The following CHRNA10 variants were observed in gnomAD, a reference collection of about 807,000 sequenced individuals.
The protein encoded by CHRNA10 is cholinergic receptor nicotinic alpha 10 subunit.
Under a neutral mutation model 36.0 loss-of-function variants are expected in CHRNA10, and 31 were observed. The ratio of observed to expected loss-of-function variants is 0.86; its 90% CI spans 0.65 to 1.16. The LOEUF is 1.16. Ranked by LOEUF, CHRNA10 falls within the 50% of genes most tolerant of loss-of-function variation. The pLI, the probability that CHRNA10 is intolerant of heterozygous loss-of-function variation, is 0.00. For missense variants in CHRNA10, 648 were observed against 640.9 expected, an observed-to-expected ratio of 1.01 and a Z score of -0.12; for synonymous variants, 302 against 287.0, an observed-to-expected ratio of 1.05 and a Z score of -0.53.
intron 1 of CHRNA10, 58 bp from the exon 2 acceptor site, chr11:3,669,999 C>A (rs1309923136): frequency 6.9e-6 from 11 of 1,586,812 alleles, no homozygotes; most frequent in Non-Finnish European, 9.5e-6. Context: ...GGCCTCTGCT[C>A]ACACCCTCCA....
intron 3 of CHRNA10, among the ~76,000 whole-genome samples, chr11:3,668,325 A>G (rs1222949739): frequency 6.6e-6 from 1 of 152,118 alleles, no homozygotes; most frequent in Non-Finnish European, 1.5e-5. Flanking sequence ...CACCCTGGCT[A>G]ACACGGTGAA....
intron 3 of CHRNA10, among the ~76,000 whole-genome samples, chr11:3,668,244 T>G (rs2077684864): frequency 6.6e-6 from 1 of 152,182 alleles, no homozygotes; most frequent in Non-Finnish European, 1.5e-5. Flanking sequence ...CTGGGTGCGG[T>G]GGCTCACGCC....
chr11:3,666,940 A>G (rs945212375), intron 4 of CHRNA10, among the ~76,000 whole-genome samples: 2 of 152,158 alleles, frequency 1.3e-5, no homozygotes, highest in Admixed American at 1.3e-4. Context: ...TGAGTTAATA[A>G]AGGTCAAGTG....
At chr11:3,670,469 GGC>G (rs1287864341) in intron 1 of CHRNA10, among the ~76,000 whole-genome samples, 11 of 152,044 alleles carry the variant, frequency 7.2e-5, no homozygotes, top group Admixed American at 7.2e-4. Context: ...TCCTGTCCTT[GGC>G]TCCCATCTTT....
chr11:3,670,653 T>C (rs2077706725), intron 1 of CHRNA10, among the ~76,000 whole-genome samples: 1 of 152,216 alleles, frequency 6.6e-6, no homozygotes, highest in African/African-American at 2.4e-5. Flanking sequence ...GCAAATAGCA[T>C]GCCCTCAGCT....
chr11:3,669,235 C>T lies in CHRNA10; in HGVS notation c.323G>A (p.Ser108Asn), dbSNP rs1016317318. 4.3e-6 allele frequency: 7 copies of T among 1,613,894 alleles called. No homozygotes were observed. Among genetic ancestry groups the T allele is most frequent in the South Asian group, 1.1e-5 (1 of 91,072 alleles). Residue 108 changes from serine (S) to asparagine (N), a missense_variant, in exon 3 of 5, where the codon AGC becomes AAC. Physicochemically the swap from Ser to Asn is conservative, Grantham distance 46. Transcript: ENST00000250699. ...YGGLDAIRIP[S>N]SLVWRPDIVL... Reference sequence around the variant, plus strand: ...GATGTCTGGCCGCCACACAAGACTGCTGGGGATGCGGATGGCATCCAGGCC... The same window carrying T: ...GATGTCTGGCCGCCACACAAGACTGTTGGGGATGCGGATGGCATCCAGGCC...
At chr11:3,670,240 A>C (rs956901879) in intron 1 of CHRNA10, among the ~76,000 whole-genome samples, 2 of 152,132 alleles carry the variant, frequency 1.3e-5, no homozygotes, top group Admixed American at 1.3e-4. Flanking sequence ...GAGGGGCCCA[A>C]ATAAGCCACA....
chr11:3,667,201 C>T (rs769469175), intron 4 of CHRNA10, 31 bp downstream of exon 4: 18 of 1,522,652 alleles, frequency 1.2e-5, no homozygotes, highest in East Asian at 7.3e-5. Context: ...CCCAGCGCAT[C>T]GTCAGGTCCC....
Position 3,667,214 on chromosome 11 carries a change from C to G in CHRNA10, c.895+18G>C, listed in dbSNP as rs2231544. 3.2e-6 allele frequency: 5 copies of G among 1,543,866 alleles called. No individual in the cohort carries two copies. Among genetic ancestry groups the G allele is most frequent in the Admixed American group, 1.9e-5 (1 of 52,256 alleles). On this transcript the variant is annotated intron_variant, in intron 4 of 4. Coordinates refer to ENST00000250699, the MANE Select transcript of CHRNA10 (RefSeq NM_020402.4). The stretch of plus-strand genomic sequence containing the variant: ...ACCCCAGCGCATCGTCAGGTCCCCC[C>G]GCGCCCCCGCTGCTCACCGATGAGC...
In CHRNA10 at chr11:3,668,791, C is replaced by A. The variant is rs1458319446; in HGVS notation, c.362+405G>T. On this transcript the variant is annotated intron_variant, in intron 3 of 4. Transcript: ENST00000250699. ...AGGGCCCCAGAGAAAATATGCAGAG[C>A]TATGTGCTGGCTGGGAGACACGGAA... 3 of 157,666 alleles carry A rather than the reference C, an allele frequency of 1.9e-5. No homozygotes were observed. In the Admixed American group the frequency reaches 1.9e-4, roughly 10 times the overall value. The allele number at this position is 157,666 out of a possible 1,614,324, so 9.8% of individuals were successfully genotyped here. A position where few individuals can be genotyped will look rare whatever the true frequency, so the allele number is the denominator to read the frequency against.
At position 3,665,832 on chromosome 11, in the gene CHRNA10, C is replaced by T; in HGVS notation, c.*275G>A. On this transcript the variant is annotated 3_prime_UTR_variant, in exon 5 of 5. Coordinates refer to ENST00000250699, the MANE Select transcript of CHRNA10 (RefSeq NM_020402.4). The stretch of plus-strand genomic sequence containing the variant: ...TGAGAGCTCCAATACCCAGCACAAA[C>T]AATTCTGTCCCTCCAAGACTGTACT... The T allele has an allele frequency of 2.7e-6, 1 of 364,154 alleles. No homozygotes were observed. The highest frequency in any genetic ancestry group is 4.9e-6 in the Non-Finnish European group (1 of 202,680). 22.6% of individuals were successfully genotyped at this position (364,154 alleles called of 1,614,324 possible).
Position 3,671,291 on chromosome 11 carries a change from G to T in CHRNA10, c.22C>A (p.Leu8Ile). ...AACAGAAGCAGAAGGCCCAGGCTGA[G>T]GTGGTGGCTCCGGAGCCCCATGGCC... MGLRSHH[L>I]SLGLLLLFLL... Residue 8 changes from leucine (L) to isoleucine (I), a missense_variant, in exon 1 of 5, where the codon CTC becomes ATC. Physicochemically the swap from Leu to Ile is conservative, Grantham distance 5 (BLOSUM62 2). Coordinates refer to ENST00000250699, the MANE Select transcript of CHRNA10 (RefSeq NM_020402.4). 6.2e-7 allele frequency: 1 copy of T among 1,614,152 alleles called. No individual in the cohort carries two copies. Among genetic ancestry groups the T allele is most frequent in the Non-Finnish European group, 8.5e-7 (1 of 1,179,984 alleles).
chr11:3,671,154 G>C, intron 1 of CHRNA10, 98 bp downstream of exon 1: 1 of 1,256,264 alleles, frequency 8.0e-7, no homozygotes, highest in East Asian at 2.3e-5. Flanking sequence ...CAGGTACTGA[G>C]GAGAAACACA....
rs150739731 is a variant in CHRNA10 at position 3,669,884 on chromosome 11, T to C, written c.119A>G (p.Asn40Ser). 7 of 1,613,990 alleles carry C rather than the reference T, an allele frequency of 4.3e-6. No individual in the cohort carries two copies. The highest frequency in any genetic ancestry group is 4.0e-5 in the African/African-American group (3 of 74,888). The change falls in exon 2 of 5, where the codon AAC (asparagine) becomes AGC (serine). Residue 40 changes from asparagine (N) to serine (S), a missense_variant. By Grantham distance (46) the Asn-to-Ser change is conservative. Coordinates refer to ENST00000250699, the MANE Select transcript of CHRNA10 (RefSeq NM_020402.4). Reference protein sequence around the residue: ...ALKLFRDLFANYTSALRPVAD... With the variant: ...ALKLFRDLFASYTSALRPVAD... ...CACAGGTCTCAGGGCACTTGTGTAG[T>C]TGGCAAAGAGGTCACGGAACAGCTT...
intron 4 of CHRNA10, 130 bp from the exon 5 acceptor site, chr11:3,666,694 G>A: frequency 4.4e-6 from 3 of 688,526 alleles, no homozygotes; most frequent in Non-Finnish European, 7.1e-6. Flanking sequence ...CCCATGGATG[G>A]AAGCAGGAAG....
At chr11:3,668,753 C>T (rs1454254318) in intron 3 of CHRNA10, 1 of 153,598 alleles carries the variant, frequency 6.5e-6, no homozygotes, top group Non-Finnish European at 1.4e-5. Context: ...GGGACATCTG[C>T]AAAACTTGTA....
Position 3,667,411 on chromosome 11 carries a change from T to A in CHRNA10, c.716A>T (p.Tyr239Phe). Residue 239 changes from tyrosine to phenylalanine, a missense_variant, in exon 4 of 5, where the codon TAC (tyrosine) becomes TTC (phenylalanine). Physicochemically the swap from Tyr to Phe is conservative, Grantham distance 22. Coordinates refer to ENST00000250699, the MANE Select transcript of CHRNA10 (RefSeq NM_020402.4). The part of the protein sequence containing the change: ...TLLLRRRAAA[Y>F]VCNLLLPCVL... ...GCAGGGCAGCAGCAGGTTGCACACG[T>A]AGGCGGCGGCGCGGCGGCGCAGCAG... 1 of 1,598,850 alleles carries A rather than the reference T, an allele frequency of 6.3e-7. No individual in the cohort carries two copies. Among genetic ancestry groups the A allele is most frequent in the Non-Finnish European group, 8.5e-7 (1 of 1,177,180 alleles).
At chr11:3,671,207 T>G (rs758851670) in intron 1 of CHRNA10, 45 bp downstream of exon 1, 6 of 1,582,144 alleles carry the variant, frequency 3.8e-6, no homozygotes, top group Non-Finnish European at 5.2e-6. Flanking sequence ...ACAGGAATAG[T>G]AGCACCACCA....
In CHRNA10 at chr11:3,665,993, T is replaced by C. The variant is rs1027460213; in HGVS notation, c.*114A>G. ...TGTGAAGTCAAGTGTCTCAGGATCT[T>C]AGGAGCAGTGGGGAGAGACTGGCTG... On this transcript the variant is annotated 3_prime_UTR_variant, in exon 5 of 5. Transcript: ENST00000250699. The C allele has an allele frequency of 6.4e-5, 54 of 848,742 alleles. No individual in the cohort carries two copies. Among genetic ancestry groups the C allele is most frequent in the Admixed American group, 2.2e-4 (7 of 32,004 alleles). The allele number at this position is 848,742 out of a possible 1,614,324, so 52.6% of individuals were successfully genotyped here.
Sources: gnomAD v4.1 joint callset for allele counts (sites outside exome capture counted in the v4.1 genomes callset) on GRCh38, gnomAD v4.1.1 for gene constraint, MANE v1.5 for transcripts, NCBI Gene and HGNC (gene_info 2026-07-23, HGNC 2026-07-21) for gene names.